NAA15: variants seen among roughly 807,000 people sequenced by gnomAD.
The protein encoded by NAA15 is N-terminal acetyltransferase.
NAA15 carries 34 observed loss-of-function variants against 114.0 expected under a neutral mutation model. The observed-to-expected ratio is 0.30, with a 90% CI of 0.23 to 0.40. The LOEUF is 0.40. NAA15 is among the 10% of genes least tolerant of loss of function. The pLI, the probability that NAA15 is intolerant of heterozygous loss-of-function variation, is 1.00. For synonymous variants in NAA15, 340 were observed against 338.0 expected (o/e 1.01, Z -0.06); for missense variants, 658 against 1,004.5 (o/e 0.66, Z 4.66).
intron 1 of NAA15, among the ~76,000 whole-genome samples, chr4:139,328,809 G>A (rs553066359): frequency 1.3e-5 from 2 of 151,272 alleles, no homozygotes; most frequent in African/African-American, 2.4e-5. Flanking sequence ...CTCGTGATCC[G>A]CTTGCCTCTG....
chr4:139,314,378 A>G (rs1264631634), intron 1 of NAA15, among the ~76,000 whole-genome samples: 2 of 151,966 alleles, frequency 1.3e-5, no homozygotes, highest in African/African-American at 2.4e-5. Context: ...GATGAAATTC[A>G]TAGAAGCAAA....
intron 6 of NAA15, among the ~76,000 whole-genome samples, chr4:139,344,699 ATAGTG>A (rs1553995476): frequency 6.6e-6 from 1 of 152,262 alleles, no homozygotes; most frequent in Non-Finnish European, 1.5e-5. Context: ...TTAATAAACT[ATAGTG>A]TATGTAGTAT....
chr4:139,315,006 T>TTTAGTTTAGGTTAGGTTAGGTTAGG lies in NAA15; in HGVS notation c.54+13179_54+13180insTTTAGGTTAGGTTAGGTTAGGTTAG, dbSNP rs773285130. Reference sequence around the variant, plus strand: ...AAGCGTTCAGTTCAGTTCAGTTTAGTTTAGGTTAGGTTAGGTTAGGTTAGG... The same window carrying TTTAGTTTAGGTTAGGTTAGGTTAGG: ...AAGCGTTCAGTTCAGTTCAGTTTAGTTTAGTTTAGGTTAGGTTAGGTTAGGTTAGGTTAGGTTAGGTTAGGTTAGG... On this transcript the variant is annotated intron_variant, in intron 1 of 19. Coordinates refer to ENST00000296543, the MANE Select transcript of NAA15 (RefSeq NM_057175.5). 1.4e-4 allele frequency among the ~76,000 whole-genome samples: 14 copies of TTTAGTTTAGGTTAGGTTAGGTTAGG among 101,552 alleles called. 1 individual carries two copies. The highest frequency in any genetic ancestry group is 5.4e-4 in the East Asian group (2 of 3,728). The allele number at this position is 101,552 out of a possible 152,430, so 66.6% of individuals were successfully genotyped here.
At chr4:139,380,413 TAC>T (rs1354247067) in intron 17 of NAA15, among the ~76,000 whole-genome samples, 2 of 152,236 alleles carry the variant, frequency 1.3e-5, no homozygotes. Context: ...ATATACTTTA[TAC>T]ATATTTTCCT....
chr4:139,385,299 T>TATATAA lies in NAA15; in HGVS notation c.2302+322_2302+323insTATAAA, dbSNP rs1560984151. Among the ~76,000 whole-genome samples the TATATAA allele has an allele frequency of 6.4e-3, 603 of 94,752 alleles. 3 individuals carry two copies. The highest frequency in any genetic ancestry group is 0.012 in the Non-Finnish European group (461 of 39,024). The allele number at this position is 94,752 out of a possible 152,430, so 62.2% of individuals were successfully genotyped here. A position where few individuals can be genotyped will look rare whatever the true frequency, so the allele number is the denominator to read the frequency against. On this transcript the variant is annotated intron_variant, in intron 18 of 19. Coordinates refer to ENST00000296543, the MANE Select transcript of NAA15 (RefSeq NM_057175.5). ...TATATATATAATATATATATATATA[T>TATATAA]AATATATATTATATATATATGCGCT...
At chr4:139,332,572 GTTTTTTTTT>G (rs1164115947) in intron 1 of NAA15, among the ~76,000 whole-genome samples, 5 of 62,012 alleles carry the variant, frequency 8.1e-5, no homozygotes, top group African/African-American at 2.4e-4. Context: ...TGGTTTGTAT[GTTTTTTTTT>G]TTTTTTTTTT....
intron 18 of NAA15, 105 bp from the exon 19 acceptor site, chr4:139,386,028 C>A: frequency 1.8e-6 from 1 of 569,192 alleles, no homozygotes; most frequent in South Asian, 2.6e-5. Flanking sequence ...AATAAAGTGC[C>A]ACACCCTCTG....
Position 139,314,989 on chromosome 4 carries a change from A to AG in NAA15, c.54+13159dup, listed in dbSNP as rs1560952655. ...CCACACCCGGCCTAGAGAAGCGTTC[A>AG]GTTCAGTTCAGTTTAGTTTAGGTTA... is the stretch of plus-strand genomic sequence containing the variant. On this transcript the variant is annotated intron_variant, in intron 1 of 19. Coordinates refer to ENST00000296543, the MANE Select transcript of NAA15 (RefSeq NM_057175.5). Among the ~76,000 whole-genome samples the AG allele has an allele frequency of 2.9e-4, 19 of 65,634 alleles. 2 individuals carry two copies. Among genetic ancestry groups the AG allele is most frequent in the South Asian group, 9.2e-4 (2 of 2,174 alleles). The allele number at this position is 65,634 out of a possible 152,430, so 43.1% of individuals were successfully genotyped here.
At position 139,315,007 on chromosome 4, in the gene NAA15, T is replaced by TCAG. The variant is rs1746345825; in HGVS notation, c.54+13176_54+13177insCAG. 2.0e-4 allele frequency among the ~76,000 whole-genome samples: 14 copies of TCAG among 70,184 alleles called. 1 individual carries two copies. The highest frequency in any genetic ancestry group is 7.5e-4 in the African/African-American group (14 of 18,672). The allele number at this position is 70,184 out of a possible 152,430, so 46.0% of individuals were successfully genotyped here. ...AGCGTTCAGTTCAGTTCAGTTTAGT[T>TCAG]TAGGTTAGGTTAGGTTAGGTTAGGT... On this transcript the variant is annotated intron_variant, in intron 1 of 19. Transcript: ENST00000296543.
intron 1 of NAA15, among the ~76,000 whole-genome samples, chr4:139,309,035 C>T (rs1054122211): frequency 4.6e-5 from 7 of 151,864 alleles, no homozygotes; most frequent in African/African-American, 1.7e-4. Context: ...ATAAAAATTA[C>T]AAAATGATTT....
At chr4:139,366,179 G>A (rs1030045519) in intron 14 of NAA15, among the ~76,000 whole-genome samples, 6 of 151,418 alleles carry the variant, frequency 4.0e-5, no homozygotes, top group African/African-American at 1.5e-4. Flanking sequence ...CTTTTTTTGG[G>A]TCAGGAATTC....
intron 17 of NAA15, chr4:139,379,106 G>A (rs1748669876): frequency 3.5e-6 from 1 of 288,184 alleles, no homozygotes; most frequent in East Asian, 6.0e-5. Context: ...TTTCTAAAAA[G>A]TTACATGTAA....
At chr4:139,312,634 G>T (rs1458454204) in intron 1 of NAA15, among the ~76,000 whole-genome samples, 1 of 151,640 alleles carries the variant, frequency 6.6e-6, no homozygotes, top group Admixed American at 6.6e-5. Context: ...TCTTGAAGTC[G>T]GGAGTTTGAG....
At position 139,354,027 on chromosome 4, in the gene NAA15, T is replaced by C. The variant is rs1310679328; in HGVS notation, c.1016T>C (p.Val339Ala). 6.2e-7 allele frequency: 1 copy of C among 1,612,260 alleles called. No homozygotes were observed. Among genetic ancestry groups the C allele is most frequent in the Non-Finnish European group, 8.5e-7 (1 of 1,178,750 alleles). ...TGTGTTTGTGTGTTTGTACTCTAGG[T>C]GGCAATCATAGAAGAGTTAGTAGTA... is the stretch of plus-strand genomic sequence containing the variant. ...LRSLYKDKEK[V>A]AIIEELVVGY... Residue 339 changes from valine (V) to alanine (A), a missense_variant and splice_region_variant, in exon 10 of 20, where the codon GTG (valine) becomes GCG (alanine). By Grantham distance (64) the Val-to-Ala change is moderately conservative. This residue lies in a region of NAA15 where 281 missense variants were observed against 389.1 expected (regional missense o/e 0.72). Coordinates refer to ENST00000296543, the MANE Select transcript of NAA15 (RefSeq NM_057175.5).
chr4:139,340,779 A>G (rs545319398), intron 3 of NAA15, 133 bp from the exon 4 acceptor site: 37 of 610,810 alleles, frequency 6.1e-5, no homozygotes, highest in East Asian at 4.4e-4. Flanking sequence ...TTTGAAATCA[A>G]TCTCCCCCTC....
At chr4:139,319,604 T>C (rs191266185) in intron 1 of NAA15, among the ~76,000 whole-genome samples, 1 of 151,940 alleles carries the variant, frequency 6.6e-6, no homozygotes, top group Admixed American at 6.6e-5. Flanking sequence ...CCTGGAGAAT[T>C]GTGTATTTTT....
At position 139,387,935 on chromosome 4, in the gene NAA15, A is replaced by C. The variant is rs757487532; in HGVS notation, c.2452A>C (p.Lys818Gln). ...GTATGATGGTAGCCTAGGAGACTGT[A>C]AAGAAGCTGCTGAAATTTATAGAGC... ...ALYDGSLGDCKEAAEIYRANC... is the reference protein window; with the variant it reads ...ALYDGSLGDCQEAAEIYRANC... Residue 818 changes from lysine to glutamine, a missense_variant, in exon 20 of 20, where the codon AAA (lysine) becomes CAA (glutamine). This residue lies in a region of NAA15 where 275 missense variants were observed against 371.1 expected (regional missense o/e 0.74). Coordinates refer to ENST00000296543, the MANE Select transcript of NAA15 (RefSeq NM_057175.5). The C allele has an allele frequency of 3.1e-6, 5 of 1,614,032 alleles. No individual in the cohort carries two copies. Among genetic ancestry groups the C allele is most frequent in the Non-Finnish European group, 3.4e-6 (4 of 1,179,950 alleles).
At position 139,388,022 on chromosome 4, in the gene NAA15, A is replaced by T. The variant is rs772526985; in HGVS notation, c.2539A>T (p.Met847Leu). 1 of 1,613,874 alleles carries T rather than the reference A, an allele frequency of 6.2e-7. No homozygotes were observed. Among genetic ancestry groups the T allele is most frequent in the African/African-American group, 1.3e-5 (1 of 74,918 alleles). ...CATGCCTCCTGGATATGAAGAGGAT[A>T]TGAAGATCACAGTTAATGGAGATAG... ...AFMPPGYEED[M>L]KITVNGDSSA... is the part of the protein sequence containing the mutation. Residue 847 changes from methionine to leucine, a missense_variant, in exon 20 of 20, where the codon ATG becomes TTG. Physicochemically the swap from Met to Leu is conservative, Grantham distance 15. Coordinates refer to ENST00000296543, the MANE Select transcript of NAA15 (RefSeq NM_057175.5).
intron 15 of NAA15, among the ~76,000 whole-genome samples, chr4:139,375,459 TTTTCTTTTC>T (rs1287916261): frequency 0.01 from 1,593 of 152,140 alleles, 14 homozygotes; most frequent in Non-Finnish European, 0.017. Context: ...TTTTCTTTTC[TTTTCTTTTC>T]TTTTTTTAAA....
Sources: allele counts gnomAD v4.1 joint callset (sites outside exome capture counted in the v4.1 genomes callset), GRCh38; gene constraint gnomAD v4.1.1; regional missense constraint gnomAD v4.1.1; transcripts MANE v1.5; gene names NCBI Gene and HGNC (gene_info 2026-07-23, HGNC 2026-07-21).